The following ANTXR2 variants were observed in gnomAD, a reference collection of about 807,000 sequenced individuals.
The protein encoded by ANTXR2 is ANTXR cell adhesion molecule 2.
Under a neutral mutation model 73.7 loss-of-function variants are expected in ANTXR2, and 44 were observed. That is an observed-to-expected ratio of 0.60 (90% CI 0.47 to 0.77). The LOEUF (loss-of-function observed/expected upper bound fraction) is 0.77, where lower values mean the gene tolerates loss of function less well. Among genes scored for constraint, ANTXR2 ranks in the 30% least tolerant of loss-of-function variants. ANTXR2 has a pLI of 0.00. For missense variants in ANTXR2, 604 were observed against 592.5 expected, an observed-to-expected ratio of 1.02 and a Z score of -0.20; for synonymous variants, 217 against 205.9, an observed-to-expected ratio of 1.05 and a Z score of -0.46.
intron 16 of ANTXR2, among the ~76,000 whole-genome samples, chr4:79,976,160 C>T (rs1729621848): frequency 2.0e-5 from 3 of 152,186 alleles, no homozygotes; most frequent in South Asian, 2.1e-4. Context: ...GATCCGCCCG[C>T]CTCGGCTTCC....
chr4:79,916,034 A>G (rs993515469), intron 16 of ANTXR2, among the ~76,000 whole-genome samples: 1 of 152,018 alleles, frequency 6.6e-6, no homozygotes. Context: ...AGTAGATGTC[A>G]TGAAGAGAAG....
At chr4:79,916,718 T>C (rs977138402) in intron 16 of ANTXR2, among the ~76,000 whole-genome samples, 22 of 152,094 alleles carry the variant, frequency 1.4e-4, no homozygotes, top group Admixed American at 3.9e-4. Context: ...ATAAATAATA[T>C]ACATCTGTTA....
rs1728247704 is a variant in ANTXR2, at chr4:79,936,106, G to A, written c.1429-28639C>T. On this transcript the variant is annotated intron_variant, in intron 16 of 16. Transcript: ENST00000403729. ...GCCAGGAGTCATATATTCTAATTTT[G>A]AGATATTATTCATAGTTCTCAATGC... Among the ~76,000 whole-genome samples the A allele has an allele frequency of 3.3e-5, 5 of 152,244 alleles. No individual in the cohort carries two copies. In the South Asian group the frequency reaches 1.0e-3, roughly 32 times the overall value.
At chr4:80,012,352 T>C (rs73829339) in intron 11 of ANTXR2, among the ~76,000 whole-genome samples, 14,263 of 151,454 alleles carry the variant, frequency 0.094, 761 homozygotes, top group Middle Eastern at 0.23. Context: ...TTTTTTTTTT[T>C]ACAGTATTAC....
intron 16 of ANTXR2, among the ~76,000 whole-genome samples, chr4:79,931,475 CTCTCTCTCTT>C (rs1193087674): frequency 4.6e-4 from 70 of 151,722 alleles, no homozygotes; most frequent in African/African-American, 1.5e-3. Flanking sequence ...CTCTCTCTCT[CTCTCTCTCTT>C]TCTCCCCAAA....
chr4:79,947,452 G>C (rs1195291958), intron 16 of ANTXR2, among the ~76,000 whole-genome samples: 3 of 151,874 alleles, frequency 2.0e-5, no homozygotes, highest in South Asian at 2.1e-4. Flanking sequence ...CAAACTCATA[G>C]TGTTAAAAAA....
chr4:80,056,191 A>G (rs193080408), intron 3 of ANTXR2, among the ~76,000 whole-genome samples, 178 bp from the exon 4 acceptor site: 7 of 152,078 alleles, frequency 4.6e-5, no homozygotes, highest in Non-Finnish European at 1.0e-4. Context: ...TAAGTATTTA[A>G]TAACTTCTGT....
chr4:79,960,499 T>C (rs889373821), intron 16 of ANTXR2, among the ~76,000 whole-genome samples: 17 of 152,178 alleles, frequency 1.1e-4, no homozygotes, highest in East Asian at 3.9e-4. Context: ...ATCCCAACTT[T>C]ATAAGTTTTT....
At chr4:79,928,696 T>C (rs1727930832) in intron 16 of ANTXR2, among the ~76,000 whole-genome samples, 1 of 152,122 alleles carries the variant, frequency 6.6e-6, no homozygotes, top group African/African-American at 2.4e-5. Flanking sequence ...TAAAAAAACA[T>C]TTACTAAATT....
At chr4:79,922,227 T>C (rs1027259294) in intron 16 of ANTXR2, among the ~76,000 whole-genome samples, 2 of 152,060 alleles carry the variant, frequency 1.3e-5, no homozygotes, top group Non-Finnish European at 2.9e-5. Flanking sequence ...TAAACAAGCC[T>C]TTCATTCATA....
At chr4:80,012,661 G>A (rs531658861) in intron 11 of ANTXR2, among the ~76,000 whole-genome samples, 36 of 152,126 alleles carry the variant, frequency 2.4e-4, no homozygotes, top group Non-Finnish European at 4.6e-4. Flanking sequence ...GGAGACAGAC[G>A]TGGGTTCAAT....
chr4:79,936,000 A>C (rs1728244801), intron 16 of ANTXR2, among the ~76,000 whole-genome samples: 1 of 152,232 alleles, frequency 6.6e-6, no homozygotes, highest in South Asian at 2.1e-4. Context: ...GTTCCAACAA[A>C]AGAGCACCTT....
intron 12 of ANTXR2, among the ~76,000 whole-genome samples, chr4:79,988,494 A>G (rs1730305357): frequency 6.6e-6 from 1 of 151,902 alleles, no homozygotes; most frequent in South Asian, 2.1e-4. Context: ...TCCTAGATTC[A>G]TAAAACAAGT....
intron 16 of ANTXR2, among the ~76,000 whole-genome samples, chr4:79,928,745 A>G (rs1439083230): frequency 2.6e-5 from 4 of 152,140 alleles, no homozygotes; most frequent in African/African-American, 9.6e-5. Flanking sequence ...TAAATTACTA[A>G]TGCATGGTTA....
In ANTXR2 at chr4:80,072,513, G is replaced by T. The variant is rs1382093806; in HGVS notation, c.48C>A (p.Phe16Leu). 8.1e-6 allele frequency: 13 copies of T among 1,603,626 alleles called. No individual in the cohort carries two copies. Among genetic ancestry groups the T allele is most frequent in the Non-Finnish European group, 1.1e-5 (13 of 1,175,802 alleles). ...TGAGCACCAACAGCCACAGCCCGGG[G>T]AACAGCCAGCTCCCGGGGCTGCGGG... ...SPARSPGSWLFPGLWLLVLSG... is the reference protein window; with the variant it reads ...SPARSPGSWLLPGLWLLVLSG... Residue 16 changes from phenylalanine (F) to leucine (L), a missense_variant, in exon 1 of 17, where the codon TTC (phenylalanine) becomes TTA (leucine). Coordinates refer to ENST00000403729, the MANE Select transcript of ANTXR2 (RefSeq NM_058172.6).
intron 16 of ANTXR2, among the ~76,000 whole-genome samples, chr4:79,933,593 C>T (rs1379801001): frequency 6.6e-6 from 1 of 151,968 alleles, no homozygotes; most frequent in African/African-American, 2.4e-5. Flanking sequence ...GGTACATGTG[C>T]ACAACGTGCA....
intron 11 of ANTXR2, among the ~76,000 whole-genome samples, chr4:80,012,899 AG>A (rs1174919777): frequency 1.3e-5 from 2 of 152,332 alleles, no homozygotes; most frequent in Middle Eastern, 3.4e-3. Flanking sequence ...CCTGTTCCTC[AG>A]TTTTCTCATC....
chr4:80,012,200 A>G (rs970752658), intron 11 of ANTXR2, among the ~76,000 whole-genome samples: 9 of 152,236 alleles, frequency 5.9e-5, no homozygotes, highest in Non-Finnish European at 1.2e-4. Flanking sequence ...AGAGTTAGGG[A>G]AAGAAAACAG....
At chr4:79,993,808 G>C (rs1466453878) in intron 12 of ANTXR2, among the ~76,000 whole-genome samples, 1 of 140,710 alleles carries the variant, frequency 7.1e-6, no homozygotes, top group African/African-American at 2.6e-5. Context: ...TCAGAGGAGA[G>C]CAGTTCCTAT....
Sources: gnomAD v4.1 joint callset for allele counts (sites outside exome capture counted in the v4.1 genomes callset) on GRCh38, gnomAD v4.1.1 for gene constraint, MANE v1.5 for transcripts, NCBI Gene and HGNC (gene_info 2026-07-23, HGNC 2026-07-21) for gene names.